PEX14: variants seen among roughly 807,000 people sequenced by gnomAD.
PEX14 encodes the protein peroxisomal membrane protein PEX14.
A neutral mutation model predicts 49.5 loss-of-function variants in PEX14; 15 were observed. That is an observed-to-expected ratio of 0.30 (90% CI 0.20 to 0.47). The LOEUF is 0.47. Among genes scored for constraint, PEX14 ranks in the 20% least tolerant of loss-of-function variants. PEX14 has a pLI of 1.00. For missense variants in PEX14, 398 were observed against 494.8 expected, an observed-to-expected ratio of 0.80 and a Z score of 1.86; for synonymous variants, 210 against 212.7, an observed-to-expected ratio of 0.99 and a Z score of 0.11.
intron 2 of PEX14, among the ~76,000 whole-genome samples, chr1:10,508,443 G>A (rs1446477635): frequency 2.6e-5 from 4 of 152,068 alleles, no homozygotes; most frequent in Non-Finnish European, 4.4e-5. Flanking sequence ...TCCTGACCTC[G>A]GCCTCCCAAA....
intron 5 of PEX14, among the ~76,000 whole-genome samples, 174 bp downstream of exon 5, chr1:10,618,591 C>T (rs1641499093): frequency 6.6e-6 from 1 of 152,228 alleles, no homozygotes; most frequent in South Asian, 2.1e-4. Flanking sequence ...CAGACCCTGC[C>T]CTGCTGTGGG....
intron 3 of PEX14, among the ~76,000 whole-genome samples, chr1:10,550,861 C>T (rs913101868): frequency 2.0e-5 from 3 of 152,084 alleles, no homozygotes; most frequent in Non-Finnish European, 4.4e-5. Flanking sequence ...TTACTTAGTT[C>T]GTCTATACCT....
chr1:10,520,184 G>T (rs1158234327), intron 2 of PEX14, among the ~76,000 whole-genome samples: 1 of 89,566 alleles, frequency 1.1e-5, no homozygotes, highest in Non-Finnish European at 2.5e-5. Flanking sequence ...TAGAGACAAG[G>T]TCTCACTCTG....
intron 1 of PEX14, among the ~76,000 whole-genome samples, chr1:10,475,385 AG>A (rs1438155536): frequency 6.6e-6 from 1 of 152,022 alleles, no homozygotes; most frequent in South Asian, 2.1e-4. Flanking sequence ...CCCTCCGGGG[AG>A]GGGCCTGTTT....
At chr1:10,557,640 A>T (rs904461702) in intron 3 of PEX14, among the ~76,000 whole-genome samples, 1 of 152,090 alleles carries the variant, frequency 6.6e-6, no homozygotes, top group Non-Finnish European at 1.5e-5. Flanking sequence ...AAGAAAATGG[A>T]CTTGTTTTCA....
intron 3 of PEX14, among the ~76,000 whole-genome samples, chr1:10,558,802 G>A (rs1639569349): frequency 6.6e-6 from 1 of 151,728 alleles, no homozygotes; most frequent in East Asian, 1.9e-4. Context: ...TTTGCAGTAT[G>A]CACTCTTTCC....
At chr1:10,588,693 C>T (rs927761845) in intron 3 of PEX14, among the ~76,000 whole-genome samples, 4 of 152,064 alleles carry the variant, frequency 2.6e-5, no homozygotes, top group Non-Finnish European at 5.9e-5. Flanking sequence ...GTGATCAGAT[C>T]GATGGTCATG....
chr1:10,543,479 A>C (rs2124495833), intron 3 of PEX14, among the ~76,000 whole-genome samples: 1 of 152,206 alleles, frequency 6.6e-6, no homozygotes, highest in East Asian at 1.9e-4. Context: ...GGGCACAGAG[A>C]GAAAAGAGCA....
chr1:10,528,765 G>A (rs1638561891), intron 2 of PEX14, among the ~76,000 whole-genome samples: 1 of 152,156 alleles, frequency 6.6e-6, no homozygotes, highest in Admixed American at 6.5e-5. Flanking sequence ...TCTTTCCTTG[G>A]TATCTCTTGG....
chr1:10,502,871 G>A (rs1251824600), intron 2 of PEX14, among the ~76,000 whole-genome samples: 4 of 147,736 alleles, frequency 2.7e-5, no homozygotes, highest in Admixed American at 2.1e-4. Context: ...ATCATGGCTC[G>A]TTGCAGCCCC....
At chr1:10,492,390 T>C (rs1298428163) in intron 1 of PEX14, among the ~76,000 whole-genome samples, 1 of 152,238 alleles carries the variant, frequency 6.6e-6, no homozygotes, top group African/African-American at 2.4e-5. Context: ...TACATTATTA[T>C]TTATGGGGTA....
intron 2 of PEX14, among the ~76,000 whole-genome samples, chr1:10,505,727 C>T: frequency 6.7e-6 from 1 of 149,590 alleles, no homozygotes. Flanking sequence ...GTTGCCCAGG[C>T]TGGAGTGCAG....
Position 10,599,377 on chromosome 1 carries a change from C to G in PEX14, c.298+11C>G, listed in dbSNP as rs368265465. ...TATCTCAGCCATACAGTAAGTCACC[C>G]GCTCAAACTCCTGCTTAACCTTGAT... On this transcript the variant is annotated intron_variant, in intron 4 of 8. Coordinates refer to ENST00000356607, the MANE Select transcript of PEX14 (RefSeq NM_004565.3). 6.2e-7 allele frequency: 1 copy of G among 1,614,078 alleles called. No homozygotes were observed. Among genetic ancestry groups the G allele is most frequent in the Admixed American group, 1.7e-5 (1 of 60,024 alleles).
intron 2 of PEX14, among the ~76,000 whole-genome samples, chr1:10,533,551 G>C (rs980984951): frequency 1.3e-5 from 2 of 152,054 alleles, no homozygotes; most frequent in African/African-American, 2.4e-5. Flanking sequence ...CGTTTATGCT[G>C]TTCTTTGCTA....
intron 2 of PEX14, among the ~76,000 whole-genome samples, chr1:10,506,549 T>G (rs1401320465): frequency 6.6e-6 from 1 of 152,250 alleles, no homozygotes; most frequent in Admixed American, 6.5e-5. Context: ...AGTTCTGGGA[T>G]TACAGGCGTG....
chr1:10,533,734 A>G (rs1638715429), intron 2 of PEX14, among the ~76,000 whole-genome samples: 1 of 152,182 alleles, frequency 6.6e-6, no homozygotes, highest in Admixed American at 6.5e-5. Flanking sequence ...TTTAAACTAC[A>G]CCTGCTATTA....
At chr1:10,541,287 G>A (rs1456748827) in intron 3 of PEX14, among the ~76,000 whole-genome samples, 2 of 152,188 alleles carry the variant, frequency 1.3e-5, no homozygotes, top group Non-Finnish European at 2.9e-5. Context: ...TCACCTTAGC[G>A]GTAAAAGCCT....
chr1:10,607,294 C>A (rs969994531), intron 4 of PEX14, among the ~76,000 whole-genome samples: 4 of 152,182 alleles, frequency 2.6e-5, no homozygotes, highest in African/African-American at 9.7e-5. Flanking sequence ...TATCCATTCA[C>A]CAGTTGATGG....
At chr1:10,620,054 G>A (rs1227205383) in intron 5 of PEX14, among the ~76,000 whole-genome samples, 3 of 152,150 alleles carry the variant, frequency 2.0e-5, no homozygotes, top group East Asian at 1.9e-4. Context: ...GGCGGAGCTT[G>A]CAGTAAGCCA....
Sources: allele counts gnomAD v4.1 joint callset (sites outside exome capture counted in the v4.1 genomes callset), GRCh38; gene constraint gnomAD v4.1.1; transcripts MANE v1.5; gene names NCBI Gene and HGNC (gene_info 2026-07-23, HGNC 2026-07-21).